MRAP2: variants seen among roughly 807,000 people sequenced by gnomAD.
MRAP2 encodes melanocortin-2 receptor accessory protein 2.
MRAP2 carries 20 observed loss-of-function variants against 17.4 expected under a neutral mutation model. That is an observed-to-expected ratio of 1.15 (90% CI 0.81 to 1.67). The LOEUF is 1.67. MRAP2 is among the 40% of genes most tolerant of loss of function. The pLI, the probability that MRAP2 is intolerant of heterozygous loss-of-function variation, is 0.00. For missense variants in MRAP2, 238 were observed against 240.0 expected (o/e 0.99, Z 0.05); for synonymous variants, 96 against 88.4 (o/e 1.09, Z -0.48).
At chr6:84,043,657 G>T (rs1296080426) in intron 1 of MRAP2, among the ~76,000 whole-genome samples, 2 of 150,106 alleles carry the variant, frequency 1.3e-5, no homozygotes, top group Non-Finnish European at 3.0e-5. Flanking sequence ...GTATGGGGGG[G>T]TGAGGGGTGT....
At chr6:84,065,995 C>G (rs919604284) in intron 3 of MRAP2, among the ~76,000 whole-genome samples, 1 of 146,444 alleles carries the variant, frequency 6.8e-6, no homozygotes, top group South Asian at 2.1e-4. Context: ...ATAAAACTCT[C>G]TCTTTATAAA....
At chr6:84,126,446 C>T in the MRAP2 span, 248 of 1,591,104 alleles carry the variant, frequency 1.6e-4, 2 homozygotes, top group East Asian at 2.0e-4. Context: ...TCTAAGCCCA[C>T]GAAATGTTTC....
intron 3 of MRAP2, among the ~76,000 whole-genome samples, chr6:84,075,206 A>C (rs2099497261): frequency 6.6e-6 from 1 of 152,164 alleles, no homozygotes; most frequent in African/African-American, 2.4e-5. Context: ...CGGAAGCAGC[A>C]CACATCCCTT....
At chr6:84,104,965 C>A in the MRAP2 span, among the ~76,000 whole-genome samples, 2 of 152,354 alleles carry the variant, frequency 1.3e-5, no homozygotes, top group South Asian at 4.1e-4. Flanking sequence ...TGCCACGAGT[C>A]TCTTTGCTAA....
In MRAP2 at chr6:84,034,420, C is replaced by T. The variant is rs187274281; in HGVS notation, c.-8+537C>T. On this transcript the variant is annotated intron_variant, in intron 1 of 3. Transcript: ENST00000257776. ...TTTTGTTTGGACTGGGGAGCCTGCT[C>T]GCAGGTCGTGTTACTGATTAGAGGG... 1.5e-3 allele frequency among the ~76,000 whole-genome samples: 224 copies of T among 152,164 alleles called. 1 individual carries two copies. The highest frequency in any genetic ancestry group is 5.0e-3 in the African/African-American group (208 of 41,508).
chr6:84,053,591 G>GGGAGTTGGGT (rs2099490984), intron 1 of MRAP2, among the ~76,000 whole-genome samples: 2 of 152,336 alleles, frequency 1.3e-5, no homozygotes, highest in Middle Eastern at 3.4e-3. Flanking sequence ...TGGCTGACCA[G>GGGAGTTGGGT]GGAGTTGGGT....
At chr6:84,082,656 C>T (rs2099499306) in intron 3 of MRAP2, among the ~76,000 whole-genome samples, 1 of 152,186 alleles carries the variant, frequency 6.6e-6, no homozygotes, top group Admixed American at 6.5e-5. Context: ...GTTGCCCAGG[C>T]TGATCTCGAA....
At chr6:84,037,894 G>A (rs1041450238) in intron 1 of MRAP2, among the ~76,000 whole-genome samples, 12 of 152,212 alleles carry the variant, frequency 7.9e-5, no homozygotes, top group African/African-American at 2.9e-4. Flanking sequence ...CTCCCACAGT[G>A]CAGCGGTGTG....
At chr6:84,129,407 T>C in the MRAP2 span, among the ~76,000 whole-genome samples, 2 of 152,196 alleles carry the variant, frequency 1.3e-5, no homozygotes, top group South Asian at 4.1e-4. Context: ...GGTATCTCAT[T>C]GTGGTTTTGA....
chr6:84,109,207 A>C, the MRAP2 span, among the ~76,000 whole-genome samples: 866 of 152,302 alleles, frequency 5.7e-3, 12 homozygotes, highest in African/African-American at 0.019. Context: ...AATTCTGTGA[A>C]GAATGTCAAA....
intron 3 of MRAP2, among the ~76,000 whole-genome samples, chr6:84,067,272 A>G (rs1001794917): frequency 6.6e-6 from 1 of 151,918 alleles, no homozygotes; most frequent in Non-Finnish European, 1.5e-5. Context: ...TTCTTTATCC[A>G]CTTGTTGATT....
At chr6:84,096,580 A>G in the MRAP2 span, among the ~76,000 whole-genome samples, 3 of 152,176 alleles carry the variant, frequency 2.0e-5, no homozygotes, top group Non-Finnish European at 2.9e-5. Flanking sequence ...TGATAACAAC[A>G]GTGTCATAGG....
chr6:84,039,302 A>G (rs1028033551), intron 1 of MRAP2, among the ~76,000 whole-genome samples: 10 of 152,336 alleles, frequency 6.6e-5, no homozygotes, highest in African/African-American at 2.4e-4. Context: ...AAGGGAAAAA[A>G]TTATTTCTTT....
chr6:84,041,903 T>TG (rs1430272951), intron 1 of MRAP2, among the ~76,000 whole-genome samples: 1 of 152,208 alleles, frequency 6.6e-6, no homozygotes, highest in African/African-American at 2.4e-5. Flanking sequence ...GTTAAGACTT[T>TG]GGGGAACTGT....
the MRAP2 span, among the ~76,000 whole-genome samples, chr6:84,131,348 G>A: frequency 2.0e-5 from 3 of 152,200 alleles, no homozygotes; most frequent in Admixed American, 2.0e-4. Context: ...GAGTTCTGTA[G>A]ATGTTTATTA....
intron 1 of MRAP2, among the ~76,000 whole-genome samples, chr6:84,043,975 T>A (rs2099488331): frequency 6.6e-6 from 1 of 152,150 alleles, no homozygotes; most frequent in African/African-American, 2.4e-5. Flanking sequence ...ATTTTGTAAA[T>A]GTTTTCTTTT....
intron 1 of MRAP2, among the ~76,000 whole-genome samples, chr6:84,047,231 C>A (rs910442025): frequency 6.6e-6 from 1 of 151,820 alleles, no homozygotes; most frequent in Non-Finnish European, 1.5e-5. Context: ...TGCTCTGTCA[C>A]CCAAGCTGGA....
At chr6:84,097,251 C>G in the MRAP2 span, among the ~76,000 whole-genome samples, 1 of 152,054 alleles carries the variant, frequency 6.6e-6, no homozygotes, top group Non-Finnish European at 1.5e-5. Context: ...CTTAGTAAGC[C>G]AAGAGTCATT....
chr6:84,078,120 A>C (rs1375293428), intron 3 of MRAP2, among the ~76,000 whole-genome samples: 1 of 152,240 alleles, frequency 6.6e-6, no homozygotes, highest in East Asian at 1.9e-4. Context: ...AAAAGCACTA[A>C]ACATAAAGGA....
Sources: gnomAD v4.1 joint callset for allele counts (sites outside exome capture counted in the v4.1 genomes callset) on GRCh38, gnomAD v4.1.1 for gene constraint, MANE v1.5 for transcripts, NCBI Gene and HGNC (gene_info 2026-07-23, HGNC 2026-07-21) for gene names.